PANK1: variants seen among roughly 807,000 people sequenced by gnomAD.
PANK1 encodes the protein pantothenate kinase 1.
A neutral mutation model predicts 40.1 loss-of-function variants in PANK1; 18 were observed. The ratio of observed to expected loss-of-function variants is 0.45; its 90% CI spans 0.31 to 0.67. PANK1 has a LOEUF of 0.67. Ranked by LOEUF, PANK1 falls within the 30% of genes least tolerant of loss-of-function variation. PANK1 has a pLI of 0.06. For missense variants in PANK1, 457 were observed against 599.6 expected (o/e 0.76, Z 2.48); for synonymous variants, 242 against 237.7 (o/e 1.02, Z -0.17).
At chr10:89,613,134 A>G (rs1845212173) in intron 1 of PANK1, among the ~76,000 whole-genome samples, 1 of 152,254 alleles carries the variant, frequency 6.6e-6, no homozygotes, top group Non-Finnish European at 1.5e-5. Context: ...CAGCCTGGAA[A>G]GTTAATGCCA....
At position 89,616,800 on chromosome 10, in the gene PANK1, A is replaced by G. The variant is rs1056997335; in HGVS notation, c.293-4752T>C. ...GCCAGGCGTGCTGGTGGGCACCTGTAGTTCCAGCTACTTGGGAGGCTGAGG... is the reference window on the plus strand; with the variant it reads ...GCCAGGCGTGCTGGTGGGCACCTGTGGTTCCAGCTACTTGGGAGGCTGAGG... On this transcript the variant is annotated intron_variant, in intron 1 of 6. Coordinates refer to ENST00000307534, the MANE Select transcript of PANK1 (RefSeq NM_148977.3). Among the ~76,000 whole-genome samples the G allele has an allele frequency of 2.0e-5, 3 of 152,150 alleles. No homozygotes were observed. The South Asian group carries it at 6.2e-4, about 32-fold the overall frequency.
rs11317815 is a variant in PANK1, at chr10:89,601,309, TAAAAAAAAAAA to T, written c.646-1815_646-1805del. Reference sequence around the variant, plus strand: ...GGGCAATATACGGAGACCCATCTCTTAAAAAAAAAAAAAAAAAAAAAAAAAAGCCTGGTGTG... The same window carrying T: ...GGGCAATATACGGAGACCCATCTCTTAAAAAAAAAAAAAAAGCCTGGTGTG... On this transcript the variant is annotated intron_variant, in intron 2 of 6. Transcript: ENST00000307534. Among the ~76,000 whole-genome samples the T allele has an allele frequency of 2.8e-3, 147 of 52,664 alleles. 1 individual carries two copies. The highest frequency in any genetic ancestry group is 0.012 in the African/African-American group (142 of 12,170). The allele number at this position is 52,664 out of a possible 152,430, so 34.5% of individuals were successfully genotyped here. A position where few individuals can be genotyped will look rare whatever the true frequency, so the allele number is the denominator to read the frequency against.
At chr10:89,592,606 C>T (rs1251082814) in intron 5 of PANK1, 7 of 446,028 alleles carry the variant, frequency 1.6e-5, no homozygotes, top group Non-Finnish European at 2.7e-5. Flanking sequence ...CTACTTTATA[C>T]ACCTTGTATT....
In PANK1 at chr10:89,583,698, G is replaced by A. The variant is rs1844103759; in HGVS notation, c.*708C>T. 6.6e-6 allele frequency: 1 copy of A among 152,156 alleles called. No homozygotes were observed. The highest frequency in any genetic ancestry group is 2.1e-4 in the South Asian group (1 of 4,836). The allele number at this position is 152,156 out of a possible 1,614,324, so 9.4% of individuals were successfully genotyped here. A position where few individuals can be genotyped will look rare whatever the true frequency, so the allele number is the denominator to read the frequency against. ...CTCATTAAATTCATTAACACATTCA[G>A]TCTTCTCTTCACGGGCATTTTCAAG... On this transcript the variant is annotated 3_prime_UTR_variant, in exon 7 of 7. Coordinates refer to ENST00000307534, the MANE Select transcript of PANK1 (RefSeq NM_148977.3).
intron 5 of PANK1, among the ~76,000 whole-genome samples, chr10:89,590,035 GAAAAAAAA>G (rs11389233): frequency 1.0e-5 from 1 of 100,400 alleles, no homozygotes; most frequent in South Asian, 2.9e-4. Context: ...TGTTAAAAAA[GAAAAAAAA>G]AAAAAGAAAG....
intron 1 of PANK1, among the ~76,000 whole-genome samples, chr10:89,636,726 C>T (rs939691474): frequency 1.3e-5 from 2 of 151,636 alleles, no homozygotes; most frequent in Non-Finnish European, 2.9e-5. Context: ...GCTGGGATTA[C>T]AGGCATGAGC....
chr10:89,623,101 T>C (rs59978417), intron 1 of PANK1, among the ~76,000 whole-genome samples: 2,973 of 152,294 alleles, frequency 0.02, 104 homozygotes, highest in African/African-American at 0.067. Context: ...TAAATGGCTA[T>C]TTGGACACAC....
chr10:89,623,041 G>T (rs1249998700), intron 1 of PANK1, among the ~76,000 whole-genome samples: 1 of 151,994 alleles, frequency 6.6e-6, no homozygotes, highest in Non-Finnish European at 1.5e-5. Flanking sequence ...AGGTGAAAAG[G>T]GCAGGGATTA....
chr10:89,641,531 A>T (rs1841967707), intron 1 of PANK1, among the ~76,000 whole-genome samples: 1 of 152,182 alleles, frequency 6.6e-6, no homozygotes, highest in Non-Finnish European at 1.5e-5. Context: ...GTTGCCACAC[A>T]TAAGGTAGCA....
intron 1 of PANK1, among the ~76,000 whole-genome samples, chr10:89,634,434 C>T (rs946605677): frequency 2.6e-5 from 4 of 152,130 alleles, no homozygotes; most frequent in Non-Finnish European, 5.9e-5. Context: ...GCCAAGAGTA[C>T]TAGAATGTAC....
intron 1 of PANK1, among the ~76,000 whole-genome samples, chr10:89,623,988 G>A (rs1236992389): frequency 6.6e-6 from 1 of 152,232 alleles, no homozygotes; most frequent in African/African-American, 2.4e-5. Context: ...GAATCGCTGT[G>A]GGACAGTGTA....
intron 1 of PANK1, among the ~76,000 whole-genome samples, chr10:89,616,862 A>T (rs1260306277): frequency 6.6e-6 from 1 of 152,020 alleles, no homozygotes; most frequent in African/African-American, 2.4e-5. Flanking sequence ...CGGAGGTTGC[A>T]GTGAGCCGAG....
intron 2 of PANK1, among the ~76,000 whole-genome samples, chr10:89,600,919 C>G (rs1024482186): frequency 1.3e-5 from 2 of 152,264 alleles, no homozygotes; most frequent in East Asian, 1.9e-4. Flanking sequence ...TTACTACATG[C>G]TAAACCCTTG....
At chr10:89,639,008 C>T (rs376343666) in intron 1 of PANK1, 15 of 265,666 alleles carry the variant, frequency 5.6e-5, no homozygotes, top group Non-Finnish European at 8.0e-5. Flanking sequence ...GTTCCAAAAC[C>T]GCTTTCACAT....
chr10:89,593,128 A>G, intron 5 of PANK1, 69 bp downstream of exon 5: 1 of 1,476,640 alleles, frequency 6.8e-7, no homozygotes, highest in South Asian at 1.2e-5. Flanking sequence ...AAGAGTCAAC[A>G]GGTGTTGCAC....
intron 1 of PANK1, among the ~76,000 whole-genome samples, chr10:89,635,097 T>G (rs1452459526): frequency 6.6e-6 from 1 of 152,104 alleles, no homozygotes; most frequent in Non-Finnish European, 1.5e-5. Context: ...GATATTAATA[T>G]TAAATGTCTA....
chr10:89,640,745 C>A (rs1234330213), intron 1 of PANK1, among the ~76,000 whole-genome samples: 1 of 152,192 alleles, frequency 6.6e-6, no homozygotes, highest in Admixed American at 6.5e-5. Context: ...TCAGTTAAAA[C>A]CAATACTTAT....
intron 2 of PANK1, among the ~76,000 whole-genome samples, chr10:89,603,038 T>C (rs991919033): frequency 6.6e-6 from 1 of 152,312 alleles, no homozygotes; most frequent in African/African-American, 2.4e-5. Flanking sequence ...GATCCTATAA[T>C]GAGCCTTAAA....
chr10:89,606,711 A>G (rs2133954745), intron 2 of PANK1, among the ~76,000 whole-genome samples: 1 of 152,278 alleles, frequency 6.6e-6, no homozygotes, highest in African/African-American at 2.4e-5. Context: ...TTGTGTAGAG[A>G]CAGGGTTTTA....
Sources: gnomAD v4.1 joint callset for allele counts (sites outside exome capture counted in the v4.1 genomes callset) on GRCh38, gnomAD v4.1.1 for gene constraint, MANE v1.5 for transcripts, NCBI Gene and HGNC (gene_info 2026-07-23, HGNC 2026-07-21) for gene names.